MAGI2: variants seen among roughly 807,000 people sequenced by gnomAD.
The protein encoded by MAGI2 is membrane associated guanylate kinase, WW and PDZ domain containing 2.
Under a neutral mutation model 133.3 loss-of-function variants are expected in MAGI2, and 35 were observed. That is an observed-to-expected ratio of 0.26 (90% CI 0.20 to 0.35). The LOEUF (loss-of-function observed/expected upper bound fraction) is 0.35, where lower values mean the gene tolerates loss of function less well. MAGI2 is among the 10% of genes least tolerant of loss of function. The pLI is 1.00. For synonymous variants in MAGI2, 729 were observed against 710.6 expected (o/e 1.03, Z -0.41); for missense variants, 1,636 against 1,863.4 (o/e 0.88, Z 2.25).
intron 1 of MAGI2, among the ~76,000 whole-genome samples, chr7:79,417,447 C>A (rs1342783661): frequency 6.6e-6 from 1 of 152,106 alleles, no homozygotes; most frequent in Non-Finnish European, 1.5e-5. Flanking sequence ...TCTCTGATGA[C>A]AGCATCAGAA....
chr7:78,776,731 C>T (rs984684662), intron 2 of MAGI2, among the ~76,000 whole-genome samples: 1 of 152,160 alleles, frequency 6.6e-6, no homozygotes, highest in Non-Finnish European at 1.5e-5. Flanking sequence ...ATAAATACTA[C>T]ATCTTATCTG....
chr7:78,072,795 G>T (rs1814848030), intron 21 of MAGI2: 1 of 396,902 alleles, frequency 2.5e-6, no homozygotes, highest in Non-Finnish European at 4.4e-6. Context: ...ATCCTCCTGA[G>T]TAGCTGGGAC....
intron 9 of MAGI2, among the ~76,000 whole-genome samples, chr7:78,323,667 A>C (rs949220712): frequency 2.6e-5 from 4 of 152,028 alleles, no homozygotes; most frequent in African/African-American, 9.7e-5. Flanking sequence ...GCCCCATAGA[A>C]CCTAGTTTCA....
At chr7:78,736,417 C>G (rs1469937052) in intron 2 of MAGI2, among the ~76,000 whole-genome samples, 2 of 152,172 alleles carry the variant, frequency 1.3e-5, no homozygotes, top group African/African-American at 4.8e-5. Context: ...CAGAAACTTA[C>G]ATTTTTAAGA....
intron 6 of MAGI2, among the ~76,000 whole-genome samples, chr7:78,483,278 A>C (rs1371534507): frequency 6.6e-6 from 1 of 151,970 alleles, no homozygotes; most frequent in Non-Finnish European, 1.5e-5. Flanking sequence ...TGATGTCAAT[A>C]TTATTTTAAA....
chr7:79,088,663 T>C (rs1816757803), intron 1 of MAGI2, among the ~76,000 whole-genome samples: 1 of 152,102 alleles, frequency 6.6e-6, no homozygotes, highest in Non-Finnish European at 1.5e-5. Flanking sequence ...AAATAGCTCT[T>C]ATTATTTTGA....
intron 1 of MAGI2, among the ~76,000 whole-genome samples, chr7:79,150,439 T>C (rs1042482590): frequency 1.3e-5 from 2 of 152,186 alleles, no homozygotes; most frequent in Admixed American, 6.5e-5. Flanking sequence ...ATGATAAAGT[T>C]AAAATATTTT....
At chr7:79,276,167 T>A (rs1440341299) in intron 1 of MAGI2, among the ~76,000 whole-genome samples, 1 of 152,142 alleles carries the variant, frequency 6.6e-6, no homozygotes, top group East Asian at 1.9e-4. Context: ...AATTGAAAAC[T>A]TTCTGGAAAG....
chr7:78,512,407 G>T (rs1370930616), intron 4 of MAGI2, among the ~76,000 whole-genome samples: 1 of 152,006 alleles, frequency 6.6e-6, no homozygotes, highest in African/African-American at 2.4e-5. Context: ...TAATTTTTTA[G>T]AATTTATTTT....
intron 15 of MAGI2, among the ~76,000 whole-genome samples, chr7:78,163,742 T>C (rs1825335043): frequency 6.6e-6 from 1 of 151,702 alleles, no homozygotes; most frequent in South Asian, 2.1e-4. Flanking sequence ...CCATCTCTAC[T>C]AAAAATACAA....
At chr7:79,434,137 T>C (rs893279491) in intron 1 of MAGI2, among the ~76,000 whole-genome samples, 1 of 151,896 alleles carries the variant, frequency 6.6e-6, no homozygotes, top group Non-Finnish European at 1.5e-5. Context: ...AAAAAGCCAA[T>C]TGAAGTCTCC....
At chr7:79,440,275 C>A (rs1053007523) in intron 1 of MAGI2, among the ~76,000 whole-genome samples, 3 of 151,836 alleles carry the variant, frequency 2.0e-5, no homozygotes, top group Non-Finnish European at 2.9e-5. Flanking sequence ...TAATTACATG[C>A]ACTCCTGGGT....
Position 79,416,368 on chromosome 7 carries a change from G to A in MAGI2, c.301+36652C>T, listed in dbSNP as rs542490561. ...GAGAGAAGGTAGGAAAGAAAGGAGAGAAGAGGAGAGAGAGAGAAGGAAGGG... is the reference window on the plus strand; with the variant it reads ...GAGAGAAGGTAGGAAAGAAAGGAGAAAAGAGGAGAGAGAGAGAAGGAAGGG... On this transcript the variant is annotated intron_variant, in intron 1 of 21. Transcript: ENST00000354212. Among the ~76,000 whole-genome samples, 16 of 152,040 alleles carry A rather than the reference G, an allele frequency of 1.1e-4. No homozygotes were observed. In the South Asian group the frequency reaches 3.1e-3, roughly 30 times the overall value.
At chr7:78,385,416 C>A (rs1467368310) in intron 6 of MAGI2, among the ~76,000 whole-genome samples, 2 of 152,070 alleles carry the variant, frequency 1.3e-5, no homozygotes, top group Admixed American at 1.3e-4. Flanking sequence ...AAGGCACTGA[C>A]AGTTGAGAGA....
intron 1 of MAGI2, among the ~76,000 whole-genome samples, chr7:79,132,534 C>T (rs188672592): frequency 2.0e-4 from 31 of 152,226 alleles, no homozygotes; most frequent in African/African-American, 7.0e-4. Flanking sequence ...TCTTTATCCA[C>T]TCATTAGTCA....
chr7:78,283,179 A>C (rs1242420441), intron 9 of MAGI2, among the ~76,000 whole-genome samples: 1 of 152,088 alleles, frequency 6.6e-6, no homozygotes, highest in African/African-American at 2.4e-5. Flanking sequence ...GTTCTCACAA[A>C]ATTTGAATAT....
chr7:78,836,264 C>T (rs1791609715), intron 2 of MAGI2, among the ~76,000 whole-genome samples: 1 of 152,170 alleles, frequency 6.6e-6, no homozygotes, highest in Non-Finnish European at 1.5e-5. Context: ...TATCTAAAGT[C>T]AGGAGACAAG....
chr7:79,373,787 T>C (rs1010104979), intron 1 of MAGI2, among the ~76,000 whole-genome samples: 2 of 152,064 alleles, frequency 1.3e-5, no homozygotes, highest in African/African-American at 4.8e-5. Context: ...GCCTGTAAGA[T>C]TGGCGGTCAG....
intron 2 of MAGI2, among the ~76,000 whole-genome samples, chr7:78,903,807 A>G (rs901354992): frequency 1.3e-5 from 2 of 152,186 alleles, no homozygotes; most frequent in African/African-American, 4.8e-5. Flanking sequence ...GAACTGACTG[A>G]ACAACTTGAG....
Sources: allele counts gnomAD v4.1 joint callset (sites outside exome capture counted in the v4.1 genomes callset), GRCh38; gene constraint gnomAD v4.1.1; transcripts MANE v1.5; gene names NCBI Gene and HGNC (gene_info 2026-07-23, HGNC 2026-07-21).